DISC1: variants seen among roughly 807,000 people sequenced by gnomAD.
DISC1 encodes the protein DISC1 scaffold protein.
In DISC1, 57 loss-of-function variants were observed where a neutral mutation model predicts 84.5. That is an observed-to-expected ratio of 0.67 (90% CI 0.55 to 0.84). The LOEUF (loss-of-function observed/expected upper bound fraction) is 0.84, where lower values mean the gene tolerates loss of function less well. Ranked by LOEUF, DISC1 falls within the 40% of genes least tolerant of loss-of-function variation. DISC1 has a pLI of 0.00. For missense variants in DISC1, 1,000 were observed against 1,057.8 expected (o/e 0.95, Z 0.76); for synonymous variants, 411 against 415.2 (o/e 0.99, Z 0.12).
In DISC1 at chr1:232,009,435, G is replaced by A. The variant is rs821618; in HGVS notation, c.2307+386G>A. On this transcript the variant is annotated intron_variant, in intron 11 of 12. Coordinates refer to ENST00000439617, the MANE Select transcript of DISC1 (RefSeq NM_018662.3). The surrounding 1 kb of genome is among the most constrained non-coding windows in gnomAD (Gnocchi z 4.6). ...ATTTAACATATATACTATACATTAT[G>A]TATTGTATGTCATATATGATGTTTA... 0.28 allele frequency: 163,310 copies of A among 575,828 alleles called. 23,779 individuals carry two copies. The highest frequency in any genetic ancestry group is 0.35 in the African/African-American group (16,082 of 46,300). The allele number at this position is 575,828 out of a possible 1,614,324, so 35.7% of individuals were successfully genotyped here.
chr1:231,685,865 A>G lies in DISC1; in HGVS notation c.68-7961A>G, dbSNP rs1290068716. Among the ~76,000 whole-genome samples the G allele has an allele frequency of 2.0e-5, 3 of 152,334 alleles. No homozygotes were observed. In the East Asian group the frequency reaches 5.8e-4, roughly 29 times the overall value. On this transcript the variant is annotated intron_variant, in intron 1 of 12. Coordinates refer to ENST00000439617, the MANE Select transcript of DISC1 (RefSeq NM_018662.3). ...CAAAAGCAAGTTAGTTACTTCCTAG[A>G]TACAATGGGGGTACCAGTATTGGGT... is the stretch of plus-strand genomic sequence containing the variant.
intron 9 of DISC1, among the ~76,000 whole-genome samples, chr1:231,935,697 T>C (rs943119439): frequency 2.0e-5 from 3 of 152,210 alleles, no homozygotes; most frequent in Admixed American, 6.5e-5. Context: ...ACATTTACAA[T>C]TGCCCTTGAA....
At chr1:232,010,751 T>C (rs1572626125) in intron 11 of DISC1, among the ~76,000 whole-genome samples, 1 of 152,156 alleles carries the variant, frequency 6.6e-6, no homozygotes, top group Non-Finnish European at 1.5e-5. Flanking sequence ...AGAAGTATAA[T>C]TGGACAAAAG....
intron 10 of DISC1, among the ~76,000 whole-genome samples, chr1:231,972,042 A>C (rs536414975): frequency 6.6e-6 from 1 of 152,330 alleles, no homozygotes; most frequent in East Asian, 1.9e-4. Context: ...GTGGTTTTGC[A>C]ATGGAGGCGT....
At chr1:231,699,797 G>T (rs1463669543) in intron 2 of DISC1, among the ~76,000 whole-genome samples, 3 of 152,126 alleles carry the variant, frequency 2.0e-5, no homozygotes, top group African/African-American at 7.2e-5. Context: ...CTTTTAAATG[G>T]TCTTCATGTC....
At chr1:231,911,083 TG>T (rs1222313287) in intron 9 of DISC1, among the ~76,000 whole-genome samples, 1 of 152,232 alleles carries the variant, frequency 6.6e-6, no homozygotes. Flanking sequence ...GCATGTGAGA[TG>T]GGTCTCCTGA....
chr1:231,809,462 A>G (rs1424741887), intron 8 of DISC1, among the ~76,000 whole-genome samples: 1 of 150,748 alleles, frequency 6.6e-6, no homozygotes, highest in East Asian at 1.9e-4. Context: ...CAGCTCAAAT[A>G]ATTATTTATT....
At chr1:231,880,019 TCC>T (rs1221454134) in intron 9 of DISC1, among the ~76,000 whole-genome samples, 3 of 152,160 alleles carry the variant, frequency 2.0e-5, no homozygotes, top group African/African-American at 7.2e-5. Context: ...TGAAATTTAA[TCC>T]CCAATGTGGC....
chr1:231,798,113 C>CCACACA (rs113265676), intron 7 of DISC1, among the ~76,000 whole-genome samples: 2,829 of 147,156 alleles, frequency 0.019, 49 homozygotes, highest in African/African-American at 0.041. Flanking sequence ...GTTAGACACA[C>CCACACA]CACACACACA....
At chr1:231,979,927 G>A (rs540625964) in intron 10 of DISC1, among the ~76,000 whole-genome samples, 18 of 152,126 alleles carry the variant, frequency 1.2e-4, no homozygotes, top group Middle Eastern at 3.4e-3. Flanking sequence ...CCACCAACTC[G>A]ATGCATAGTT....
At chr1:232,017,438 T>C (rs566090190) in intron 11 of DISC1, among the ~76,000 whole-genome samples, 170 of 151,576 alleles carry the variant, frequency 1.1e-3, no homozygotes, top group African/African-American at 4.1e-3. Flanking sequence ...ATATGTAAAA[T>C]ATGTAAACAG....
chr1:231,674,203 C>T (rs559255337), intron 1 of DISC1, among the ~76,000 whole-genome samples: 31 of 152,048 alleles, frequency 2.0e-4, no homozygotes, highest in African/African-American at 6.5e-4. Context: ...ATTTATGATG[C>T]GTAAATGGAC....
intron 9 of DISC1, among the ~76,000 whole-genome samples, chr1:231,955,554 A>G (rs1459393586): frequency 2.0e-5 from 3 of 148,780 alleles, no homozygotes; most frequent in Non-Finnish European, 4.4e-5. Flanking sequence ...CAGTGGCACG[A>G]TCTCGGCTCA....
chr1:231,935,141 T>C (rs988477027), intron 9 of DISC1, among the ~76,000 whole-genome samples: 1 of 152,212 alleles, frequency 6.6e-6, no homozygotes, highest in Non-Finnish European at 1.5e-5. Context: ...TGGGGAGCAC[T>C]GAGCCAAGCC....
At chr1:231,755,191 C>T (rs1347806575) in intron 4 of DISC1, among the ~76,000 whole-genome samples, 3 of 151,772 alleles carry the variant, frequency 2.0e-5, no homozygotes, top group Non-Finnish European at 4.4e-5. Context: ...CTTATGAGCT[C>T]CTTCTCTCCC....
At chr1:232,036,648 G>C (rs760434515) in intron 12 of DISC1, 44 bp from the exon 13 acceptor site, 2 of 1,502,200 alleles carry the variant, frequency 1.3e-6, no homozygotes, top group Admixed American at 3.7e-5. Flanking sequence ...AGGCCGCAGA[G>C]GGCCACGATC....
intron 9 of DISC1, among the ~76,000 whole-genome samples, chr1:231,892,858 G>A (rs960958874): frequency 6.6e-6 from 1 of 152,096 alleles, no homozygotes; most frequent in African/African-American, 2.4e-5. Context: ...GCTTGATTAA[G>A]TTAATGTTTA....
intron 3 of DISC1, among the ~76,000 whole-genome samples, chr1:231,724,599 T>C (rs1378116618): frequency 6.6e-6 from 1 of 152,222 alleles, no homozygotes; most frequent in East Asian, 1.9e-4. Context: ...TCTTTTCTTC[T>C]TCCTTCCTTT....
At position 231,988,495 on chromosome 1, in the gene DISC1, C is replaced by T. The variant is rs545796480; in HGVS notation, c.2043-20290C>T. Among the ~76,000 whole-genome samples, 74 of 152,288 alleles carry T rather than the reference C, an allele frequency of 4.9e-4. 1 individual carries two copies. Among genetic ancestry groups the T allele is most frequent in the African/African-American group, 1.7e-3 (69 of 41,566 alleles). ...GGCACCTTTGGTGGTGATTAGGTCACGAGGGTGGAGCCCTCACGAGTGCTG... is the reference window on the plus strand; with the variant it reads ...GGCACCTTTGGTGGTGATTAGGTCATGAGGGTGGAGCCCTCACGAGTGCTG... On this transcript the variant is annotated intron_variant, in intron 10 of 12. Coordinates refer to ENST00000439617, the MANE Select transcript of DISC1 (RefSeq NM_018662.3).
Sources: gnomAD v4.1 joint callset for allele counts (sites outside exome capture counted in the v4.1 genomes callset) on GRCh38, gnomAD v4.1.1 for gene constraint, Gnocchi (gnomAD v3.1) non-coding constraint, MANE v1.5 for transcripts, NCBI Gene and HGNC (gene_info 2026-07-23, HGNC 2026-07-21) for gene names.